The following ELAC2 variants were observed in gnomAD, a reference collection of about 807,000 sequenced individuals.
ELAC2 encodes elaC ribonuclease Z 2, also known as zinc phosphodiesterase ELAC protein 2.
A neutral mutation model predicts 105.2 loss-of-function variants in ELAC2; 92 were observed. The observed-to-expected ratio is 0.87, with a 90% confidence interval of 0.74 to 1.04. The LOEUF is 1.04. Ranked by LOEUF, ELAC2 falls within the 50% of genes least tolerant of loss-of-function variation. The probability of loss-of-function intolerance (pLI) is 0.00; values close to 1 mark genes in which losing one functional copy is unlikely to be tolerated. For missense variants in ELAC2, 1,099 were observed against 1,071.7 expected, an observed-to-expected ratio of 1.03 and a Z score of -0.36; for synonymous variants, 468 against 409.1, an observed-to-expected ratio of 1.14 and a Z score of -1.74.
At chr17:13,016,980 A>G (rs2143691688) in intron 2 of ELAC2, 48 bp from the exon 3 acceptor site, 1 of 1,612,996 alleles carries the variant, frequency 6.2e-7, no homozygotes, top group Non-Finnish European at 8.5e-7. Context: ...CAGAACAAGG[A>G]CCACTTTTGC....
Position 13,005,740 on chromosome 17 carries a change from C to A in ELAC2, c.870+13G>T, listed in dbSNP as rs746553705. 3 of 1,611,032 alleles carry A rather than the reference C, an allele frequency of 1.9e-6. No homozygotes were observed. The highest frequency in any genetic ancestry group is 2.5e-6 in the Non-Finnish European group (3 of 1,177,428). ...ACCTGTAACTGCTGAATCAAGAAAACCAGGCATCTCACCTCTCTTCCTTCA... is the reference window on the plus strand; with the variant it reads ...ACCTGTAACTGCTGAATCAAGAAAAACAGGCATCTCACCTCTCTTCCTTCA... On this transcript the variant is annotated intron_variant, in intron 10 of 23. Transcript: ENST00000338034.
At chr17:13,016,069 A>G (rs564433985) in intron 3 of ELAC2, among the ~76,000 whole-genome samples, 4 of 152,344 alleles carry the variant, frequency 2.6e-5, no homozygotes, top group Non-Finnish European at 5.9e-5. Flanking sequence ...GCAGCAAGGC[A>G]CCCAGTGTGC....
intron 1 of ELAC2, chr17:13,017,491 T>C: frequency 2.8e-6 from 3 of 1,075,478 alleles, no homozygotes; most frequent in South Asian, 3.2e-5. Flanking sequence ...AAAAGGACGC[T>C]CAGACCCAGG....
chr17:13,005,111 C>G lies in ELAC2; in HGVS notation c.871-10G>C. On this transcript the variant is annotated splice_polypyrimidine_tract_variant and intron_variant, in intron 10 of 23. Coordinates refer to ENST00000338034, the MANE Select transcript of ELAC2 (RefSeq NM_018127.7). ...GCTCTTCAGCCAAAATCTGCAAAAC[C>G]AAATAAGCCCGCCCACTGGGGGTCA... 6.2e-7 allele frequency: 1 copy of G among 1,603,608 alleles called. No homozygotes were observed. Among genetic ancestry groups the G allele is most frequent in the Non-Finnish European group, 8.5e-7 (1 of 1,170,480 alleles).
rs374374400 is a variant in ELAC2 at position 13,016,145 on chromosome 17, G to C, written c.368-313C>G. On this transcript the variant is annotated intron_variant, in intron 3 of 23. Transcript: ENST00000338034. Reference sequence around the variant, plus strand: ...AGTGCCTCACCCTAGTCTCAGCCCTGAGAAGGGAGACTGGTCTAACACTTC... The same window carrying C: ...AGTGCCTCACCCTAGTCTCAGCCCTCAGAAGGGAGACTGGTCTAACACTTC... 3.9e-4 allele frequency among the ~76,000 whole-genome samples: 59 copies of C among 152,370 alleles called. No individual in the cohort carries two copies. In the South Asian group the frequency reaches 0.011, roughly 29 times the overall value.
At position 12,994,770 on chromosome 17, in the gene ELAC2, G is replaced by A. The variant is rs1157458251; in HGVS notation, c.2023C>T (p.Arg675Trp). The change falls in exon 21 of 24, where the codon CGG (arginine) becomes TGG (tryptophan). Residue 675 changes from arginine (R) to tryptophan (W), a missense_variant. Arg to Trp is a moderately radical substitution (Grantham distance 101). Coordinates refer to ENST00000338034, the MANE Select transcript of ELAC2 (RefSeq NM_018127.7). ...TGCTTCTTCCTCTACTCACCCATCC[G>A]GACCAGAGCCTCGCAGGGCATGGTG... ...GDTMPCEALV[R>W]MGKDATLLIH... The A allele has an allele frequency of 5.0e-6, 8 of 1,613,734 alleles. No individual in the cohort carries two copies. In the Admixed American group the frequency reaches 6.7e-5, roughly 13 times the overall value.
intron 22 of ELAC2, 53 bp downstream of exon 22, chr17:12,994,372 G>T (rs755559592): frequency 3.1e-6 from 5 of 1,597,442 alleles, no homozygotes; most frequent in Non-Finnish European, 3.4e-6. Flanking sequence ...TCAGTGTCAC[G>T]TAGTGGGGGA....
At chr17:12,996,175 A>T (rs936282436) in intron 17 of ELAC2, 197 bp from the exon 18 acceptor site, 3 of 713,760 alleles carry the variant, frequency 4.2e-6, no homozygotes, top group Admixed American at 2.2e-5. Flanking sequence ...AAGCGACACG[A>T]CCCGTGCTGG....
rs775647349 is a variant in ELAC2 at position 13,002,597 on chromosome 17, C to A, written c.1080-18G>T. ...GCCCAAACCTGTGAAGAAACAGACC[C>A]GGCATTTGCAGCGTCTGTTAGGAGG... On this transcript the variant is annotated intron_variant, in intron 12 of 23. Coordinates refer to ENST00000338034, the MANE Select transcript of ELAC2 (RefSeq NM_018127.7). 9.4e-6 allele frequency: 15 copies of A among 1,588,322 alleles called. No homozygotes were observed. The South Asian group carries it at 1.6e-4, about 17-fold the overall frequency.
At chr17:13,017,540 G>T in intron 1 of ELAC2, 163 bp downstream of exon 1, 1 of 1,334,686 alleles carries the variant, frequency 7.5e-7, no homozygotes, top group Non-Finnish European at 1.0e-6. Flanking sequence ...TCACATGGAT[G>T]CAAAGAATCT....
At chr17:13,013,592 G>T (rs1015079331) in intron 5 of ELAC2, among the ~76,000 whole-genome samples, 1 of 152,182 alleles carries the variant, frequency 6.6e-6, no homozygotes, top group South Asian at 2.1e-4. Context: ...AGTGAAGCCA[G>T]GGAACCTATC....
chr17:12,993,931 G>A, intron 22 of ELAC2, 100 bp from the exon 23 acceptor site: 1 of 1,569,986 alleles, frequency 6.4e-7, no homozygotes, highest in Non-Finnish European at 8.7e-7. Flanking sequence ...AGGGCACCCG[G>A]GGAAGCTGGT....
intron 22 of ELAC2, 121 bp downstream of exon 22, chr17:12,994,304 C>T: frequency 1.8e-6 from 2 of 1,136,034 alleles, no homozygotes; most frequent in Non-Finnish European, 2.7e-6. Context: ...AGGAAGCCCC[C>T]ATAGCCCTTG....
chr17:13,006,662 G>C (rs2041125521), intron 8 of ELAC2: 1 of 153,894 alleles, frequency 6.5e-6, no homozygotes, highest in African/African-American at 2.4e-5. Context: ...AATGTCACCA[G>C]AGCGTTGCCT....
In ELAC2 at chr17:12,995,079, C is replaced by T; in HGVS notation, c.1809-17G>A. On this transcript the variant is annotated splice_polypyrimidine_tract_variant and intron_variant, in intron 19 of 23. Coordinates refer to ENST00000338034, the MANE Select transcript of ELAC2 (RefSeq NM_018127.7). ...GGAATCATACTGTAAAAAGACAAAA[C>T]ATTTAAAATGATAATAAACGTTTCT... 6.2e-7 allele frequency: 1 copy of T among 1,613,064 alleles called. No homozygotes were observed. The highest frequency in any genetic ancestry group is 8.5e-7 in the Non-Finnish European group (1 of 1,179,074).
intron 12 of ELAC2, chr17:13,002,854 A>C: frequency 6.1e-6 from 3 of 491,296 alleles, no homozygotes; most frequent in Non-Finnish European, 1.1e-5. Flanking sequence ...GGGGACCCAA[A>C]CCCTGAGGAA....
intron 1 of ELAC2, 140 bp from the exon 2 acceptor site, chr17:13,017,261 C>T: frequency 1.1e-6 from 1 of 923,304 alleles, no homozygotes; most frequent in Non-Finnish European, 1.7e-6. Flanking sequence ...TACCGAGCCA[C>T]ATTTATGCTG....
intron 11 of ELAC2, 134 bp downstream of exon 11, chr17:13,004,855 A>G: frequency 1.3e-6 from 1 of 782,168 alleles, no homozygotes; most frequent in South Asian, 1.4e-5. Flanking sequence ...GACTTAAGGC[A>G]GGAGTGCCGG....
At chr17:12,996,078 C>A in intron 17 of ELAC2, 100 bp from the exon 18 acceptor site, 2 of 1,313,288 alleles carry the variant, frequency 1.5e-6, no homozygotes, top group Non-Finnish European at 2.1e-6. Flanking sequence ...GCCAGCCCGA[C>A]GTCACCCACC....
Sources: allele counts gnomAD v4.1 joint callset (sites outside exome capture counted in the v4.1 genomes callset), GRCh38; gene constraint gnomAD v4.1.1; transcripts MANE v1.5; gene names NCBI Gene and HGNC (gene_info 2026-07-23, HGNC 2026-07-21).